UBE2W: variants seen among roughly 807,000 people sequenced by gnomAD.
The protein encoded by UBE2W is ubiquitin conjugating enzyme E2 W, also known as ubiquitin-conjugating enzyme E2 W.
UBE2W carries 18 observed loss-of-function variants against 27.2 expected under a neutral mutation model. That is an observed-to-expected ratio of 0.66 (90% CI 0.46 to 0.98). UBE2W has a LOEUF of 0.98. Ranked by LOEUF, UBE2W falls within the 50% of genes least tolerant of loss-of-function variation. The pLI is 0.00. For synonymous variants in UBE2W, 53 were observed against 57.2 expected (o/e 0.93, Z 0.33); for missense variants, 90 against 180.2 (o/e 0.50, Z 2.87).
intron 1 of UBE2W, among the ~76,000 whole-genome samples, chr8:73,865,138 T>C (rs866543068): frequency 6.2e-5 from 7 of 112,006 alleles, no homozygotes; most frequent in African/African-American, 2.5e-4. Flanking sequence ...AGTGTGTGCA[T>C]AGAATGACAA....
At chr8:73,828,794 T>C (rs1348827079) in intron 2 of UBE2W, among the ~76,000 whole-genome samples, 1 of 152,194 alleles carries the variant, frequency 6.6e-6, no homozygotes, top group Non-Finnish European at 1.5e-5. Flanking sequence ...CTTTTAGTTA[T>C]GTGAAAATGC....
intron 1 of UBE2W, among the ~76,000 whole-genome samples, chr8:73,866,290 A>AAAAAAAAAAATATATAT (rs1248216873): frequency 2.3e-5 from 1 of 43,092 alleles, no homozygotes; most frequent in African/African-American, 9.9e-5. Flanking sequence ...AAAAAAAAAA[A>AAAAAAAAAAATATATAT]ATATATATAT....
At chr8:73,800,605 A>G (rs1190208971) in intron 5 of UBE2W, among the ~76,000 whole-genome samples, 1 of 152,136 alleles carries the variant, frequency 6.6e-6, no homozygotes, top group Non-Finnish European at 1.5e-5. Flanking sequence ...TGTTTATTGG[A>G]AAAACTAATT....
intron 5 of UBE2W, among the ~76,000 whole-genome samples, chr8:73,800,480 G>GGACTGGA (rs1808592134): frequency 6.6e-6 from 1 of 152,068 alleles, no homozygotes; most frequent in African/African-American, 2.4e-5. Context: ...CCAGGACTGG[G>GGACTGGA]GACTGGAGTA....
intron 1 of UBE2W, among the ~76,000 whole-genome samples, chr8:73,846,847 A>G (rs1810825459): frequency 6.6e-6 from 1 of 152,222 alleles, no homozygotes; most frequent in South Asian, 2.1e-4. Flanking sequence ...ATGTTAAATT[A>G]GCTACCATAA....
chr8:73,871,341 A>G (rs1213343552), intron 1 of UBE2W, among the ~76,000 whole-genome samples: 1 of 152,238 alleles, frequency 6.6e-6, no homozygotes, highest in Non-Finnish European at 1.5e-5. Context: ...TACTACAGAA[A>G]ACAAGTTTGG....
intron 2 of UBE2W, among the ~76,000 whole-genome samples, chr8:73,829,840 G>A (rs1192912433): frequency 1.3e-5 from 2 of 151,972 alleles, no homozygotes; most frequent in Admixed American, 1.3e-4. Context: ...TTTCTTTTTA[G>A]AGGTTTTTTT....
chr8:73,877,773 T>C (rs1347832761), intron 1 of UBE2W, among the ~76,000 whole-genome samples: 1 of 152,168 alleles, frequency 6.6e-6, no homozygotes, highest in African/African-American at 2.4e-5. Flanking sequence ...ACCTGTGAAT[T>C]AAATGCAGGC....
chr8:73,795,763 T>C, intron 5 of UBE2W: 1 of 982,122 alleles, frequency 1.0e-6, no homozygotes, highest in Non-Finnish European at 1.2e-6. Flanking sequence ...AGAAAACAAG[T>C]AGTTTATATC....
At chr8:73,841,669 C>G (rs1044048656) in intron 1 of UBE2W, among the ~76,000 whole-genome samples, 3 of 152,134 alleles carry the variant, frequency 2.0e-5, no homozygotes, top group Admixed American at 2.0e-4. Flanking sequence ...CTTTCTTTTC[C>G]AGCACAATGG....
rs540812008 is a variant in UBE2W, at chr8:73,860,102, T to C, written c.15+18706A>G. On this transcript the variant is annotated intron_variant, in intron 1 of 5. Transcript: ENST00000602593. ...TAAATTACTTGCTGTCAGTAAGGGTTACATACAGGAAGCTTAAGAAAAAAT... is the reference window on the plus strand; with the variant it reads ...TAAATTACTTGCTGTCAGTAAGGGTCACATACAGGAAGCTTAAGAAAAAAT... 6.4e-5 allele frequency among the ~76,000 whole-genome samples: 9 copies of C among 140,068 alleles called. No homozygotes were observed. In the South Asian group the frequency reaches 1.1e-3, roughly 17 times the overall value. The allele number at this position is 140,068 out of a possible 152,430, so 91.9% of individuals were successfully genotyped here.
Position 73,830,481 on chromosome 8 carries a change from G to T in UBE2W, c.16-9C>A. 1 of 1,610,784 alleles carries T rather than the reference G, an allele frequency of 6.2e-7. No individual in the cohort carries two copies. Among genetic ancestry groups the T allele is most frequent in the Non-Finnish European group, 8.5e-7 (1 of 1,177,168 alleles). ...TCTTTCTGTAGTCGTTTCTAGAAAAGAACATCAATAATAATTTGTCCTTTT... is the reference window on the plus strand; with the variant it reads ...TCTTTCTGTAGTCGTTTCTAGAAAATAACATCAATAATAATTTGTCCTTTT... On this transcript the variant is annotated splice_polypyrimidine_tract_variant and intron_variant, in intron 1 of 5. Coordinates refer to ENST00000602593, the MANE Select transcript of UBE2W (RefSeq NM_018299.6).
chr8:73,868,364 T>C (rs972573876), intron 1 of UBE2W, among the ~76,000 whole-genome samples: 1 of 152,256 alleles, frequency 6.6e-6, no homozygotes, highest in African/African-American at 2.4e-5. Flanking sequence ...CAAAGGCTCC[T>C]GGGTTCATGA....
intron 3 of UBE2W, among the ~76,000 whole-genome samples, chr8:73,812,615 G>A (rs1586465728): frequency 6.6e-6 from 1 of 152,082 alleles, no homozygotes; most frequent in East Asian, 1.9e-4. Flanking sequence ...CTACCTTGAG[G>A]TATTCATTTT....
intron 5 of UBE2W, among the ~76,000 whole-genome samples, chr8:73,805,283 A>G (rs1808827279): frequency 6.7e-6 from 1 of 149,652 alleles, no homozygotes; most frequent in Non-Finnish European, 1.5e-5. Flanking sequence ...CAGAAACCCC[A>G]TCTCTACTAA....
At chr8:73,860,707 T>C (rs937089261) in intron 1 of UBE2W, among the ~76,000 whole-genome samples, 1 of 152,128 alleles carries the variant, frequency 6.6e-6, no homozygotes, top group Admixed American at 6.6e-5. Context: ...AAAATTTGAA[T>C]TCAGGAAGAA....
rs907969114 is a variant in UBE2W, at chr8:73,808,830, C to A, written c.366+1644G>T. Among the ~76,000 whole-genome samples the A allele has an allele frequency of 4.6e-5, 7 of 152,130 alleles. No homozygotes were observed. In the East Asian group the frequency reaches 9.6e-4, roughly 21 times the overall value. On this transcript the variant is annotated intron_variant, in intron 4 of 5. Transcript: ENST00000602593. ...GTGTACAAGAAACACTAGTAGCAGA[C>A]AACTAGAATGTAAGGGGAATGGTGA...
chr8:73,872,001 C>G (rs1259899878), intron 1 of UBE2W, among the ~76,000 whole-genome samples: 2 of 152,118 alleles, frequency 1.3e-5, no homozygotes, highest in Non-Finnish European at 2.9e-5. Flanking sequence ...TCAGGTGATC[C>G]TCCCACCTCA....
At chr8:73,842,608 C>G (rs2130930380) in intron 1 of UBE2W, among the ~76,000 whole-genome samples, 1 of 145,726 alleles carries the variant, frequency 6.9e-6, no homozygotes, top group East Asian at 2.0e-4. Context: ...AACTCCAAAA[C>G]CTACTGAAAT....
Sources: allele counts gnomAD v4.1 joint callset (sites outside exome capture counted in the v4.1 genomes callset), GRCh38; gene constraint gnomAD v4.1.1; transcripts MANE v1.5; gene names NCBI Gene and HGNC (gene_info 2026-07-23, HGNC 2026-07-21).